RCAN1: variants seen among roughly 807,000 people sequenced by gnomAD.
The protein encoded by RCAN1 is regulator of calcineurin 1.
RCAN1 carries 11 observed loss-of-function variants against 22.9 expected under a neutral mutation model. The ratio of observed to expected loss-of-function variants is 0.48; its 90% CI spans 0.30 to 0.79. RCAN1 has a LOEUF of 0.79. Among genes scored for constraint, RCAN1 ranks in the 30% least tolerant of loss-of-function variants. RCAN1 has a pLI of 0.06. For missense variants in RCAN1, 291 were observed against 337.8 expected (o/e 0.86, Z 1.09); for synonymous variants, 136 against 142.3 (o/e 0.96, Z 0.32).
chr21:34,533,116 A>T (rs534971760), intron 1 of RCAN1, among the ~76,000 whole-genome samples: 1 of 151,348 alleles, frequency 6.6e-6, no homozygotes, highest in Non-Finnish European at 1.5e-5. Flanking sequence ...GCCCGCCACC[A>T]CGCCCGGCTA....
chr21:34,528,997 A>G (rs1344028237), intron 1 of RCAN1, among the ~76,000 whole-genome samples: 1 of 152,116 alleles, frequency 6.6e-6, no homozygotes, highest in Non-Finnish European at 1.5e-5. Flanking sequence ...AGATTATTCA[A>G]CTGTCTTTGC....
intron 1 of RCAN1, among the ~76,000 whole-genome samples, chr21:34,554,174 C>T (rs918096414): frequency 1.1e-4 from 17 of 152,162 alleles, no homozygotes; most frequent in Admixed American, 1.1e-3. Flanking sequence ...CATCTTCTTT[C>T]TTTGAGACAG....
intron 3 of RCAN1, among the ~76,000 whole-genome samples, chr21:34,519,228 TG>T (rs1984286872): frequency 6.6e-6 from 1 of 152,144 alleles, no homozygotes; most frequent in Non-Finnish European, 1.5e-5. Context: ...TGTTTAAGAA[TG>T]GAGACTGCAT....
intron 1 of RCAN1, among the ~76,000 whole-genome samples, chr21:34,596,929 G>A (rs145612686): frequency 3.3e-5 from 5 of 152,274 alleles, no homozygotes; most frequent in East Asian, 3.9e-4. Context: ...CTGGGACTTC[G>A]GTGATAACTT....
intron 1 of RCAN1, 41 bp from the exon 2 acceptor site, chr21:34,523,751 C>T (rs746815553): frequency 6.5e-6 from 10 of 1,527,064 alleles, no homozygotes; most frequent in Non-Finnish European, 8.1e-6. Flanking sequence ...TGAAATTTAC[C>T]TGCATATGAC....
At chr21:34,549,287 C>A in intron 1 of RCAN1, among the ~76,000 whole-genome samples, 1 of 152,196 alleles carries the variant, frequency 6.6e-6, no homozygotes, top group East Asian at 1.9e-4. Flanking sequence ...GTGGCAGCCT[C>A]GGTTCAAAAA....
intron 1 of RCAN1, among the ~76,000 whole-genome samples, chr21:34,592,520 TGGCAAAGTAATATCATG>T (rs1365226961): frequency 1.3e-5 from 2 of 152,190 alleles, no homozygotes; most frequent in African/African-American, 2.4e-5. Flanking sequence ...TAGGATTAGA[TGGCAAAGTAATATCATG>T]GGCAGTTTTT....
chr21:34,577,518 G>A (rs1011237396), intron 1 of RCAN1, among the ~76,000 whole-genome samples: 1 of 152,180 alleles, frequency 6.6e-6, no homozygotes. Context: ...AGGATCACTT[G>A]AGTCCAGGTG....
At chr21:34,583,905 TACAC>T (rs142532574) in intron 1 of RCAN1, among the ~76,000 whole-genome samples, 2 of 151,508 alleles carry the variant, frequency 1.3e-5, no homozygotes, top group South Asian at 2.1e-4. Context: ...CACACACACA[TACAC>T]ACACACACAA....
intron 1 of RCAN1, among the ~76,000 whole-genome samples, chr21:34,552,586 G>A (rs935735700): frequency 5.3e-5 from 8 of 151,944 alleles, no homozygotes; most frequent in Non-Finnish European, 1.2e-4. Context: ...CAGAATCAAT[G>A]GAAATGACAT....
chr21:34,599,000 C>A (rs540640440), intron 1 of RCAN1, among the ~76,000 whole-genome samples: 128 of 152,178 alleles, frequency 8.4e-4, no homozygotes, highest in Non-Finnish European at 1.3e-3. Flanking sequence ...GATTTCTAAT[C>A]CCCAGTACTG....
chr21:34,530,616 GTTTTTTTTTTT>G (rs59150851), intron 1 of RCAN1, among the ~76,000 whole-genome samples: 11 of 66,194 alleles, frequency 1.7e-4, no homozygotes, highest in African/African-American at 4.9e-4. Context: ...TAGTGAAATA[GTTTTTTTTTTT>G]TTTTTTTTTT....
chr21:34,543,283 C>G (rs1239995537), intron 1 of RCAN1, among the ~76,000 whole-genome samples: 1 of 152,158 alleles, frequency 6.6e-6, no homozygotes. Flanking sequence ...GATGGATTAC[C>G]AGGGTGGGCC....
chr21:34,536,210 G>A (rs1247431694), intron 1 of RCAN1, among the ~76,000 whole-genome samples: 1 of 152,236 alleles, frequency 6.6e-6, no homozygotes, highest in Non-Finnish European at 1.5e-5. Context: ...GAGACCAGCA[G>A]ATGAGGATTA....
chr21:34,518,741 G>A lies in RCAN1; in HGVS notation c.587-485C>T, dbSNP rs772434774. 1.4e-4 allele frequency among the ~76,000 whole-genome samples: 21 copies of A among 152,212 alleles called. No individual in the cohort carries two copies. The highest frequency in any genetic ancestry group is 9.7e-4 in the East Asian group (5 of 5,180). On this transcript the variant is annotated intron_variant, in intron 3 of 3. Transcript: ENST00000313806. The surrounding 1 kb of genome is among the most constrained non-coding windows in gnomAD (Gnocchi z 4.2). ...CGCCACAGGAGGCCCTGCAGCAGAC[G>A]CAGGGGTGGCTGCACGGAGCCAGGT... is the stretch of plus-strand genomic sequence containing the variant.
chr21:34,597,713 A>T (rs1172688451), intron 1 of RCAN1, among the ~76,000 whole-genome samples: 5 of 152,224 alleles, frequency 3.3e-5, no homozygotes, highest in African/African-American at 1.2e-4. Flanking sequence ...GTTGAAATAC[A>T]ATTTGAAGTA....
In RCAN1 at chr21:34,531,159, A is replaced by G. The variant is rs1246675972; in HGVS notation, c.253-7449T>C. On this transcript the variant is annotated intron_variant, in intron 1 of 3. Coordinates refer to ENST00000313806, the MANE Select transcript of RCAN1 (RefSeq NM_004414.7). ...TAGTGATGGTGGCAAAGTGCCTAGC[A>G]CAATGCCTGAAACACAGGTGGCGGC... Among the ~76,000 whole-genome samples the G allele has an allele frequency of 1.3e-5, 2 of 152,238 alleles. 1 individual carries two copies. Among genetic ancestry groups the G allele is most frequent in the Admixed American group, 1.3e-4 (2 of 15,286 alleles).
intron 1 of RCAN1, among the ~76,000 whole-genome samples, chr21:34,574,632 C>CA (rs1439939769): frequency 1.3e-5 from 2 of 151,880 alleles, no homozygotes; most frequent in African/African-American, 2.4e-5. Context: ...CACAATGCGT[C>CA]AAAAAAAGAT....
At position 34,517,276 on chromosome 21, in the gene RCAN1, A is replaced by T. The variant is rs1439010198; in HGVS notation, c.*808T>A. On this transcript the variant is annotated 3_prime_UTR_variant, in exon 4 of 4. Coordinates refer to ENST00000313806, the MANE Select transcript of RCAN1 (RefSeq NM_004414.7). Reference sequence around the variant, plus strand: ...TAAACTAAAATTTCTCACCCACTAAAAGTTGGCAGTGAAACTGCTATTCTC... The same window carrying T: ...TAAACTAAAATTTCTCACCCACTAATAGTTGGCAGTGAAACTGCTATTCTC... 1 of 152,228 alleles carries T rather than the reference A, an allele frequency of 6.6e-6. No individual in the cohort carries two copies. Among genetic ancestry groups the T allele is most frequent in the Non-Finnish European group, 1.5e-5 (1 of 68,032 alleles). The allele number at this position is 152,228 out of a possible 1,614,324, so 9.4% of individuals were successfully genotyped here.
Sources: allele counts gnomAD v4.1 joint callset (sites outside exome capture counted in the v4.1 genomes callset), GRCh38; gene constraint gnomAD v4.1.1; non-coding constraint Gnocchi (gnomAD v3.1); transcripts MANE v1.5; gene names NCBI Gene and HGNC (gene_info 2026-07-23, HGNC 2026-07-21).